The following EEA1 variants were observed in gnomAD, a reference collection of about 807,000 sequenced individuals.
EEA1 encodes the protein early endosome antigen 1, 162kD.
In EEA1, 111 loss-of-function variants were observed where a neutral mutation model predicts 209.2. The ratio of observed to expected loss-of-function variants is 0.53; its 90% confidence interval spans 0.45 to 0.62. The LOEUF (loss-of-function observed/expected upper bound fraction) is 0.62, where lower values mean the gene tolerates loss of function less well. Ranked by LOEUF, EEA1 falls within the 20% of genes least tolerant of loss-of-function variation. The pLI is 0.00. For synonymous variants in EEA1, 536 were observed against 540.6 expected (o/e 0.99, Z 0.12); for missense variants, 1,343 against 1,530.8 (o/e 0.88, Z 2.05).
chr12:92,786,906 G>A lies in EEA1; in HGVS notation c.3150+961C>T, dbSNP rs531894066. ...CTTAATTCCAAACATAAACTAGTACGCCAGCAAGGCAATTATGTTAACTGT... is the reference window on the plus strand; with the variant it reads ...CTTAATTCCAAACATAAACTAGTACACCAGCAAGGCAATTATGTTAACTGT... On this transcript the variant is annotated intron_variant, in intron 22 of 28. Coordinates refer to ENST00000322349, the MANE Select transcript of EEA1 (RefSeq NM_003566.4). Among the ~76,000 whole-genome samples the A allele has an allele frequency of 1.4e-4, 22 of 152,150 alleles. 1 individual carries two copies. Among genetic ancestry groups the A allele is most frequent in the Middle Eastern group, 3.4e-3 (1 of 294 alleles).
chr12:92,915,114 T>C (rs1388198811), intron 1 of EEA1, among the ~76,000 whole-genome samples: 1 of 152,150 alleles, frequency 6.6e-6, no homozygotes, highest in Non-Finnish European at 1.5e-5. Context: ...AGATACACTA[T>C]AAATAGACAC....
chr12:92,928,446 A>AACAGTG (rs1881293831), intron 1 of EEA1, among the ~76,000 whole-genome samples: 1 of 152,212 alleles, frequency 6.6e-6, no homozygotes, highest in South Asian at 2.1e-4. Context: ...AAAAGTTTCC[A>AACAGTG]ACAGTGAGTA....
intron 13 of EEA1, among the ~76,000 whole-genome samples, chr12:92,823,833 C>T (rs80056522): frequency 1.5e-3 from 234 of 152,334 alleles, no homozygotes; most frequent in African/African-American, 5.5e-3. Flanking sequence ...CCATTTCTAG[C>T]TTTGTGGCTA....
chr12:92,907,569 T>C (rs1430871186), intron 1 of EEA1, among the ~76,000 whole-genome samples: 1 of 152,180 alleles, frequency 6.6e-6, no homozygotes, highest in Non-Finnish European at 1.5e-5. Context: ...TTAATTCATG[T>C]TGCAATCATC....
chr12:92,883,763 T>G, intron 2 of EEA1: 2 of 1,402,456 alleles, frequency 1.4e-6, no homozygotes, highest in Non-Finnish European at 2.0e-6. Context: ...GTCTCTCTTC[T>G]CCCTTCCGTC....
chr12:92,855,824 T>G (rs1026780530), intron 5 of EEA1, among the ~76,000 whole-genome samples: 1 of 152,190 alleles, frequency 6.6e-6, no homozygotes, highest in African/African-American at 2.4e-5. Flanking sequence ...AAATGTGAAA[T>G]AGTCATCTCA....
chr12:92,858,016 C>T (rs545638961), intron 3 of EEA1: 5 of 352,726 alleles, frequency 1.4e-5, no homozygotes, highest in Admixed American at 8.4e-5. Context: ...TTGCGCATTT[C>T]GCAGCTGCCA....
At chr12:92,825,061 T>C (rs1416819274) in intron 13 of EEA1, among the ~76,000 whole-genome samples, 2 of 152,214 alleles carry the variant, frequency 1.3e-5, no homozygotes, top group Non-Finnish European at 2.9e-5. Flanking sequence ...TATATATCAT[T>C]AGATTGCCAT....
intron 1 of EEA1, among the ~76,000 whole-genome samples, chr12:92,902,934 G>A (rs1880212644): frequency 7.1e-6 from 1 of 141,458 alleles, no homozygotes; most frequent in Non-Finnish European, 1.6e-5. Context: ...CTGTTCAACA[G>A]TCTTTTTTTT....
rs191233472 is a variant in EEA1, at chr12:92,879,126, T to C, written c.117+12503A>G. 5.3e-4 allele frequency: 113 copies of C among 213,326 alleles called. No homozygotes were observed. The East Asian group carries it at 0.011, about 21-fold the overall frequency. The allele number at this position is 213,326 out of a possible 1,614,324, so 13.2% of individuals were successfully genotyped here. ...AATGAAAAGGTCCCCCAAAAATACA[T>C]AAACAAATGAAATCTAGCAGTATAC... On this transcript the variant is annotated intron_variant, in intron 2 of 28. Coordinates refer to ENST00000322349, the MANE Select transcript of EEA1 (RefSeq NM_003566.4).
chr12:92,805,352 C>T (rs1875150841), intron 18 of EEA1, among the ~76,000 whole-genome samples: 2 of 152,254 alleles, frequency 1.3e-5, no homozygotes, highest in South Asian at 4.2e-4. Context: ...TTTTCACCAT[C>T]ATATCCCCAA....
intron 3 of EEA1, chr12:92,858,106 C>G: frequency 1.9e-6 from 1 of 524,418 alleles, no homozygotes; most frequent in Non-Finnish European, 3.6e-6. Context: ...ACAGCTTCCA[C>G]TAGGTGTTCA....
chr12:92,830,405 T>G (rs897553189), intron 11 of EEA1, among the ~76,000 whole-genome samples: 10 of 152,138 alleles, frequency 6.6e-5, no homozygotes, highest in South Asian at 2.1e-4. Context: ...CTCCCACTTT[T>G]AAGTGAGAAC....
chr12:92,907,519 T>C (rs1880426384), intron 1 of EEA1, among the ~76,000 whole-genome samples: 1 of 152,178 alleles, frequency 6.6e-6, no homozygotes, highest in Non-Finnish European at 1.5e-5. Flanking sequence ...CACTTAAATT[T>C]TGAATCTATC....
At position 92,832,803 on chromosome 12, in the gene EEA1, T is replaced by C. The variant is rs201925815; in HGVS notation, c.963A>G (p.Leu321=). 3 of 1,613,628 alleles carry C rather than the reference T, an allele frequency of 1.9e-6. No homozygotes were observed. Among genetic ancestry groups the C allele is most frequent in the Non-Finnish European group, 2.5e-6 (3 of 1,179,928 alleles). The change falls in exon 11 of 29, where the codon TTA becomes TTG. Residue 321 remains leucine (L), a synonymous_variant. Coordinates refer to ENST00000322349, the MANE Select transcript of EEA1 (RefSeq NM_003566.4). Reference sequence around the variant, plus strand: ...CAGATTCTTCATTATGTTTCTCCTCTAACTTAGTATAGTCTTGTTCTTTTT... The same window carrying C: ...CAGATTCTTCATTATGTTTCTCCTCCAACTTAGTATAGTCTTGTTCTTTTT... ...LLKKEQDYTK[L]EEKHNEESVS...
chr12:92,920,723 G>C (rs971167472), intron 1 of EEA1, among the ~76,000 whole-genome samples: 3 of 151,758 alleles, frequency 2.0e-5, no homozygotes, highest in Non-Finnish European at 4.4e-5. Flanking sequence ...AAAAGCAATG[G>C]CAACAAAAGA....
intron 1 of EEA1, among the ~76,000 whole-genome samples, chr12:92,902,155 C>A (rs1205610670): frequency 1.3e-5 from 2 of 152,036 alleles, no homozygotes; most frequent in Non-Finnish European, 2.9e-5. Context: ...GATTATGCCA[C>A]TTTACTCCAC....
intron 1 of EEA1, among the ~76,000 whole-genome samples, chr12:92,921,439 A>G (rs199721311): frequency 0.48 from 35,785 of 74,964 alleles, 9,163 homozygotes; most frequent in African/African-American, 0.66. Flanking sequence ...ATGAGTTCAT[A>G]TCCTTTGTAG....
rs557712927 is a variant in EEA1, at chr12:92,889,596, G to A, written c.117+2033C>T. On this transcript the variant is annotated intron_variant, in intron 2 of 28. Coordinates refer to ENST00000322349, the MANE Select transcript of EEA1 (RefSeq NM_003566.4). The stretch of plus-strand genomic sequence containing the variant: ...TAAAACAAAAGGAACAAGAAAATAC[G>A]AAAATGAAAAGAAAGATAAAGTCCG... 4.0e-5 allele frequency among the ~76,000 whole-genome samples: 6 copies of A among 149,450 alleles called. No homozygotes were observed. The East Asian group carries it at 9.8e-4, about 24-fold the overall frequency.
Sources: gnomAD v4.1 joint callset for allele counts (sites outside exome capture counted in the v4.1 genomes callset) on GRCh38, gnomAD v4.1.1 for gene constraint, MANE v1.5 for transcripts, NCBI Gene and HGNC (gene_info 2026-07-23, HGNC 2026-07-21) for gene names.